KRT75: variants seen among roughly 807,000 people sequenced by gnomAD.
KRT75 encodes keratin 75.
Under a neutral mutation model 48.8 loss-of-function variants are expected in KRT75, and 35 were observed. That is an observed-to-expected ratio of 0.72 (90% CI 0.55 to 0.95). The LOEUF (loss-of-function observed/expected upper bound fraction) is 0.95, where lower values mean the gene tolerates loss of function less well. KRT75 is among the 40% of genes least tolerant of loss of function. The pLI is 0.00. For missense variants in KRT75, 776 were observed against 709.9 expected, an observed-to-expected ratio of 1.09 and a Z score of -1.06; for synonymous variants, 301 against 282.3, an observed-to-expected ratio of 1.07 and a Z score of -0.66.
intron 5 of KRT75, 69 bp downstream of exon 5, chr12:52,430,472 G>A: frequency 6.7e-7 from 1 of 1,485,186 alleles, no homozygotes; most frequent in Non-Finnish European, 9.4e-7. Context: ...CTGAGGCTGA[G>A]TTAAGTGATA....
rs770370185 is a variant in KRT75 at position 52,433,966 on chromosome 12, G to T, written c.339C>A (p.Phe113Leu). ...GVGGGFSGPS[F>L]PVCPPGGIQE... ...GGATGCCTCCAGGGGGACACACGGG[G>T]AAGCTGGGGCCACTGAAGCCTCCTC... Residue 113 changes from phenylalanine (F) to leucine (L), a missense_variant, in exon 1 of 9, where the codon TTC becomes TTA. Transcript: ENST00000252245. The T allele has an allele frequency of 6.2e-7, 1 of 1,614,156 alleles. No homozygotes were observed. The highest frequency in any genetic ancestry group is 2.2e-5 in the East Asian group (1 of 44,876).
chr12:52,431,551 A>C lies in KRT75; in HGVS notation c.862T>G (p.Phe288Val). 6.2e-7 allele frequency: 1 copy of C among 1,609,536 alleles called. No homozygotes were observed. The highest frequency in any genetic ancestry group is 8.5e-7 in the Non-Finnish European group (1 of 1,175,754). ...TACTTGCAGACTCTTACTGCATCAA[A>C]GACTGAGTGGATGAAGTTGATCTCC... Reference protein sequence around the residue: ...PEEINFIHSVFDAELSQLQTQ... With the variant: ...PEEINFIHSVVDAELSQLQTQ... Residue 288 changes from phenylalanine (F) to valine (V), a missense_variant, in exon 4 of 9, where the codon TTT (phenylalanine) becomes GTT (valine). Coordinates refer to ENST00000252245, the MANE Select transcript of KRT75 (RefSeq NM_004693.3).
chr12:52,431,743 A>G (rs1307184159), intron 3 of KRT75, 105 bp from the exon 4 acceptor site: 2 of 965,656 alleles, frequency 2.1e-6, no homozygotes, highest in Non-Finnish European at 3.3e-6. Flanking sequence ...TGGATTTTAG[A>G]AAACTCTGGG....
In KRT75 at chr12:52,433,884, T is replaced by C; in HGVS notation, c.421A>G (p.Thr141Ala). The change falls in exon 1 of 9, where the codon ACC (threonine) becomes GCC (alanine). Residue 141 changes from threonine to alanine, a missense_variant. Thr to Ala is a moderately conservative substitution (Grantham distance 58, BLOSUM62 0). Coordinates refer to ENST00000252245, the MANE Select transcript of KRT75 (RefSeq NM_004693.3). The stretch of plus-strand genomic sequence containing the variant: ...TCCTCGGCCCGCACCCGCTGGATGG[T>C]GGGGTCGATTTGCAGGTGAAGAGGA... ...LTPLHLQIDP[T>A]IQRVRAEERE... The C allele has an allele frequency of 1.2e-6, 2 of 1,614,040 alleles. No homozygotes were observed. The highest frequency in any genetic ancestry group is 1.1e-5 in the South Asian group (1 of 91,066).
intron 8 of KRT75, among the ~76,000 whole-genome samples, chr12:52,424,961 G>C (rs540291454): frequency 1.6e-4 from 24 of 152,282 alleles, no homozygotes; most frequent in South Asian, 1.0e-3. Context: ...GGCTGGAATG[G>C]CTTCCTCCTC....
chr12:52,434,226 C>T lies in KRT75; in HGVS notation c.79G>A (p.Ala27Thr), dbSNP rs1180471096. 37 of 1,593,682 alleles carry T rather than the reference C, an allele frequency of 2.3e-5. No individual in the cohort carries two copies. The highest frequency in any genetic ancestry group is 3.2e-5 in the Non-Finnish European group (37 of 1,169,534). The change falls in exon 1 of 9, where the codon GCT becomes ACT. Residue 27 changes from alanine (A) to threonine (T), a missense_variant. By Grantham distance (58) the Ala-to-Thr change is moderately conservative. Coordinates refer to ENST00000252245, the MANE Select transcript of KRT75 (RefSeq NM_004693.3). ...FSTTSAITPAAGRSRFSSVSV... is the reference protein window; with the variant it reads ...FSTTSAITPATGRSRFSSVSV... ...ACAGAGCTGAAGCGGGAGCGGCCAG[C>T]TGCCGGGGTGATGGCCGAGGTGGTG...
At chr12:52,426,246 G>A (rs1055073026) in intron 8 of KRT75, among the ~76,000 whole-genome samples, 3 of 152,206 alleles carry the variant, frequency 2.0e-5, no homozygotes, top group Non-Finnish European at 4.4e-5. Flanking sequence ...CTGTTTTAGA[G>A]CTACTGTAGC....
intron 5 of KRT75, 74 bp downstream of exon 5, chr12:52,430,467 G>T: frequency 6.8e-7 from 1 of 1,460,264 alleles, no homozygotes; most frequent in Non-Finnish European, 9.6e-7. Flanking sequence ...GTTTCCTGAG[G>T]CTGAGTTAAG....
At chr12:52,431,339 G>A (rs183111627) in intron 4 of KRT75, among the ~76,000 whole-genome samples, 1 of 152,220 alleles carries the variant, frequency 6.6e-6, no homozygotes, top group Non-Finnish European at 1.5e-5. Flanking sequence ...AGGGAGTTCG[G>A]GGGAGAAGCA....
At position 52,431,629 on chromosome 12, in the gene KRT75, C is replaced by A. The variant is rs745459306; in HGVS notation, c.784G>T (p.Ala262Ser). 73 of 1,613,076 alleles carry A rather than the reference C, an allele frequency of 4.5e-5. No individual in the cohort carries two copies. The highest frequency in any genetic ancestry group is 5.4e-5 in the Non-Finnish European group (64 of 1,179,090). Residue 262 changes from alanine (A) to serine (S), a missense_variant, in exon 4 of 9, where the codon GCT (alanine) becomes TCT (serine). By Grantham distance (99) the Ala-to-Ser change is moderately conservative. Transcript: ENST00000252245. ...EFVALKKDVD[A>S]AYMNKVELEA... ...AGCTCCACCTTGTTCATATAGGCAG[C>A]ATCTACGTCCTGGAATGACAGCGCA... is the stretch of plus-strand genomic sequence containing the variant.
At chr12:52,428,193 A>G in intron 7 of KRT75, 63 bp downstream of exon 7, 1 of 1,597,670 alleles carries the variant, frequency 6.3e-7, no homozygotes, top group Non-Finnish European at 8.6e-7. Context: ...GCCCCTAGGA[A>G]TGCCCAGGAA....
At chr12:52,429,673 T>C (rs1592163264) in intron 5 of KRT75, among the ~76,000 whole-genome samples, 1 of 152,308 alleles carries the variant, frequency 6.6e-6, no homozygotes, top group South Asian at 2.1e-4. Context: ...TCATGTTTCC[T>C]TTCACCGTCA....
At chr12:52,430,355 T>C (rs1011485623) in intron 5 of KRT75, among the ~76,000 whole-genome samples, 186 bp downstream of exon 5, 5 of 152,112 alleles carry the variant, frequency 3.3e-5, no homozygotes, top group African/African-American at 1.2e-4. Flanking sequence ...GGGCTGACCA[T>C]GTATTAGTGT....
chr12:52,430,502 A>C, intron 5 of KRT75, 39 bp downstream of exon 5: 1 of 1,604,136 alleles, frequency 6.2e-7, no homozygotes, highest in Non-Finnish European at 8.5e-7. Flanking sequence ...CTCAGAGAAC[A>C]CTAACCCTGG....
intron 3 of KRT75, 56 bp from the exon 4 acceptor site, chr12:52,431,694 A>G: frequency 2.3e-6 from 3 of 1,292,078 alleles, no homozygotes; most frequent in Non-Finnish European, 3.4e-6. Context: ...TATCTAGTCC[A>G]AAAGAAGCTG....
chr12:52,427,057 T>C (rs905332163), intron 7 of KRT75, among the ~76,000 whole-genome samples: 2 of 152,228 alleles, frequency 1.3e-5, no homozygotes, highest in Admixed American at 6.5e-5. Context: ...AAGGTGGAGT[T>C]TGAGGTTCAC....
chr12:52,428,687 T>C lies in KRT75; in HGVS notation c.1092A>G (p.Lys364=), dbSNP rs1380761544. Residue 364 remains lysine, a synonymous_variant, in exon 6 of 9, where the codon AAA becomes AAG. Transcript: ENST00000252245. Reference sequence around the variant, plus strand: ...TGCGGTTCATTTCAGAGATCTCTTGTTTGGTGTTTCGAAGGTCATCCCCAT... The same window carrying C: ...TGCGGTTCATTTCAGAGATCTCTTGCTTGGTGTTTCGAAGGTCATCCCCAT... ...GRHGDDLRNT[K]QEISEMNRMI... 1 of 1,614,182 alleles carries C rather than the reference T, an allele frequency of 6.2e-7. No homozygotes were observed. The highest frequency in any genetic ancestry group is 8.5e-7 in the Non-Finnish European group (1 of 1,180,038).
chr12:52,424,814 T>A, intron 8 of KRT75, 59 bp from the exon 9 acceptor site: 1 of 1,341,092 alleles, frequency 7.5e-7, no homozygotes, highest in Non-Finnish European at 1.1e-6. Context: ...CAGCTGGGAG[T>A]GTGAGGGCCT....
Position 52,428,680 on chromosome 12 carries a change from T to A in KRT75, c.1099A>T (p.Ile367Phe), listed in dbSNP as rs2232402. The A allele has an allele frequency of 1.1e-5, 18 of 1,614,060 alleles. No individual in the cohort carries two copies. Among genetic ancestry groups the A allele is most frequent in the East Asian group, 2.2e-5 (1 of 44,884 alleles). ...GDDLRNTKQE[I>F]SEMNRMIQRL... is the part of the protein sequence containing the mutation. Reference sequence around the variant, plus strand: ...TGGATCATGCGGTTCATTTCAGAGATCTCTTGTTTGGTGTTTCGAAGGTCA... The same window carrying A: ...TGGATCATGCGGTTCATTTCAGAGAACTCTTGTTTGGTGTTTCGAAGGTCA... Residue 367 changes from isoleucine to phenylalanine, a missense_variant, in exon 6 of 9, where the codon ATC (isoleucine) becomes TTC (phenylalanine). Ile to Phe is a conservative substitution (Grantham distance 21, BLOSUM62 0). Coordinates refer to ENST00000252245, the MANE Select transcript of KRT75 (RefSeq NM_004693.3).
Sources: allele counts gnomAD v4.1 joint callset (sites outside exome capture counted in the v4.1 genomes callset), GRCh38; gene constraint gnomAD v4.1.1; transcripts MANE v1.5; gene names NCBI Gene and HGNC (gene_info 2026-07-23, HGNC 2026-07-21).